Variants in SQOR observed in about 807,000 individuals in gnomAD.
SQOR encodes the protein sulfide quinone oxidoreductase.
In SQOR, 39 loss-of-function variants were observed where a neutral mutation model predicts 48.6. The observed-to-expected ratio is 0.80, with a 90% CI of 0.62 to 1.05. The LOEUF is 1.05. Among genes scored for constraint, SQOR ranks in the 50% least tolerant of loss-of-function variants. The probability of loss-of-function intolerance (pLI) is 0.00; values close to 1 mark genes in which losing one functional copy is unlikely to be tolerated. For synonymous variants in SQOR, 220 were observed against 206.2 expected, an observed-to-expected ratio of 1.07 and a Z score of -0.57; for missense variants, 561 against 559.9, an observed-to-expected ratio of 1.00 and a Z score of -0.02.
At chr15:45,672,033 A>G (rs1889954566) in intron 4 of SQOR, among the ~76,000 whole-genome samples, 1 of 152,128 alleles carries the variant, frequency 6.6e-6, no homozygotes, top group South Asian at 2.1e-4. Flanking sequence ...TCCTGAAAGG[A>G]GCTTGGTTAC....
At chr15:45,639,047 G>T (rs1353525259) in intron 1 of SQOR, among the ~76,000 whole-genome samples, 1 of 152,060 alleles carries the variant, frequency 6.6e-6, no homozygotes, top group Non-Finnish European at 1.5e-5. Context: ...TAATACAACT[G>T]GTTCTACCAA....
At chr15:45,670,889 G>A (rs890567159) in intron 4 of SQOR, among the ~76,000 whole-genome samples, 2 of 152,154 alleles carry the variant, frequency 1.3e-5, no homozygotes, top group African/African-American at 2.4e-5. Flanking sequence ...AAGCTATGAA[G>A]TAGACGATAT....
intron 1 of SQOR, among the ~76,000 whole-genome samples, chr15:45,639,872 T>C (rs1196522173): frequency 1.3e-5 from 2 of 152,172 alleles, no homozygotes; most frequent in Non-Finnish European, 2.9e-5. Context: ...TTGTTTTGAA[T>C]CATTGAGTAA....
chr15:45,647,552 C>T (rs1025944286), intron 1 of SQOR, among the ~76,000 whole-genome samples: 6 of 151,928 alleles, frequency 3.9e-5, no homozygotes, highest in African/African-American at 1.4e-4. Context: ...GTCTCGAACT[C>T]CTGAGCTCAA....
chr15:45,673,960 A>G (rs1246357604), intron 5 of SQOR, 159 bp downstream of exon 5: 2 of 712,760 alleles, frequency 2.8e-6, no homozygotes, highest in Admixed American at 6.2e-5. Context: ...AAAATATAAA[A>G]GAGGAGAAAA....
At position 45,644,925 on chromosome 15, in the gene SQOR, G is replaced by T. The variant is rs967583447; in HGVS notation, c.-18+9817G>T. 3.3e-5 allele frequency among the ~76,000 whole-genome samples: 5 copies of T among 152,310 alleles called. No individual in the cohort carries two copies. The Middle Eastern group carries it at 0.01, about 311-fold the overall frequency. The stretch of plus-strand genomic sequence containing the variant: ...GGATTGATTGGTTTACATATCAAAG[G>T]TGTGGTCATAGGCAAGCCAGGCAAG... On this transcript the variant is annotated intron_variant, in intron 1 of 9. Transcript: ENST00000260324.
rs1231408232 is a variant in SQOR at position 45,635,040 on chromosome 15, T to G, written c.-86T>G. On this transcript the variant is annotated 5_prime_UTR_variant, in exon 1 of 10. Transcript: ENST00000260324. ...GCGGGCGGGGCCCCAGTCCAGGCCT[T>G]GAGACCCAGAAGGGAGCGAAGGTTT... is the stretch of plus-strand genomic sequence containing the variant. The G allele has an allele frequency of 1.3e-5, 2 of 152,212 alleles. No individual in the cohort carries two copies. The highest frequency in any genetic ancestry group is 4.8e-5 in the African/African-American group (2 of 41,440). 9.4% of individuals were successfully genotyped at this position (152,212 alleles called of 1,614,324 possible).
intron 1 of SQOR, among the ~76,000 whole-genome samples, chr15:45,653,948 C>T (rs1430682406): frequency 6.6e-6 from 1 of 151,924 alleles, no homozygotes; most frequent in Non-Finnish European, 1.5e-5. Flanking sequence ...ATGGTGAAAC[C>T]CTGTGTCAAC....
At chr15:45,685,995 A>G (rs1890217714) in intron 7 of SQOR, among the ~76,000 whole-genome samples, 1 of 113,576 alleles carries the variant, frequency 8.8e-6, no homozygotes, top group African/African-American at 3.4e-5. Flanking sequence ...AACTGTAGGC[A>G]TGTGTCACCA....
intron 1 of SQOR, among the ~76,000 whole-genome samples, chr15:45,651,602 G>C (rs983056291): frequency 2.0e-5 from 3 of 152,264 alleles, no homozygotes; most frequent in Non-Finnish European, 2.9e-5. Context: ...TGGGACTACA[G>C]GCATGTGCCA....
chr15:45,663,311 C>T (rs1469460805), intron 3 of SQOR, among the ~76,000 whole-genome samples: 1 of 152,094 alleles, frequency 6.6e-6, no homozygotes, highest in African/African-American at 2.4e-5. Context: ...AGCCATTGTG[C>T]CCGGCCTGCT....
intron 1 of SQOR, among the ~76,000 whole-genome samples, chr15:45,644,441 A>G (rs756513001): frequency 6.6e-6 from 1 of 152,204 alleles, no homozygotes; most frequent in Non-Finnish European, 1.5e-5. Context: ...GCCGAGCAAA[A>G]ATGTGTTAAA....
intron 3 of SQOR, among the ~76,000 whole-genome samples, chr15:45,668,921 A>G (rs1889887771): frequency 6.6e-6 from 1 of 152,014 alleles, no homozygotes; most frequent in Non-Finnish European, 1.5e-5. Flanking sequence ...TATGCATACA[A>G]TACCCGTATT....
chr15:45,649,986 T>C (rs377154351), intron 1 of SQOR, among the ~76,000 whole-genome samples: 1 of 151,652 alleles, frequency 6.6e-6, no homozygotes, highest in Non-Finnish European at 1.5e-5. Flanking sequence ...GGGATTACAG[T>C]TATGTGCCAC....
rs550473526 is a variant in SQOR, at chr15:45,659,076, G to A, written c.153G>A (p.Gly51=). 4.3e-5 allele frequency: 69 copies of A among 1,593,656 alleles called. 1 individual carries two copies. The South Asian group carries it at 6.0e-4, about 14-fold the overall frequency. ...RNHYEVLVLG[G]GSGGITMAAR... is the part of the protein sequence containing the mutation. ...ATTATGAGGTGCTGGTGCTGGGTGG[G>A]GGCAGTGGCGGAATCACCATGGCTG... The change falls in exon 2 of 10, where the codon GGG becomes GGA. Residue 51 remains glycine, a synonymous_variant. Coordinates refer to ENST00000260324, the MANE Select transcript of SQOR (RefSeq NM_021199.4).
Position 45,641,593 on chromosome 15 carries a change from A to G in SQOR, c.-18+6485A>G, listed in dbSNP as rs1189397619. ...AAGTGAAGATTGCTCCATTTTCTTT[A>G]TTTGTTAACAGTATAGTAATCCAGT... On this transcript the variant is annotated intron_variant, in intron 1 of 9. Transcript: ENST00000260324. 2.0e-5 allele frequency among the ~76,000 whole-genome samples: 3 copies of G among 152,258 alleles called. No homozygotes were observed. In the East Asian group the frequency reaches 5.8e-4, roughly 29 times the overall value.
At chr15:45,670,009 C>A (rs372263211) in intron 4 of SQOR, 28 bp downstream of exon 4, 6 of 1,608,382 alleles carry the variant, frequency 3.7e-6, no homozygotes, top group Non-Finnish European at 5.1e-6. Flanking sequence ...TTCTGTGTTA[C>A]GCTGGCTTAT....
intron 3 of SQOR, among the ~76,000 whole-genome samples, chr15:45,665,882 C>T (rs1187546157): frequency 6.6e-6 from 1 of 152,206 alleles, no homozygotes; most frequent in Non-Finnish European, 1.5e-5. Flanking sequence ...CCGTGCCCAG[C>T]CCATTCCATT....
chr15:45,670,041 C>A, intron 4 of SQOR, 60 bp downstream of exon 4: 2 of 1,463,962 alleles, frequency 1.4e-6, no homozygotes, highest in Admixed American at 1.7e-5. Flanking sequence ...GCAAATGCTG[C>A]ATTTAGTTGC....
Sources: allele counts gnomAD v4.1 joint callset (sites outside exome capture counted in the v4.1 genomes callset), GRCh38; gene constraint gnomAD v4.1.1; transcripts MANE v1.5; gene names NCBI Gene and HGNC (gene_info 2026-07-23, HGNC 2026-07-21).